The following RAB40C variants were observed in gnomAD, a reference collection of about 807,000 sequenced individuals.
The protein encoded by RAB40C is ras-related protein Rab-40C.
A neutral mutation model predicts 28.1 loss-of-function variants in RAB40C; 8 were observed. The observed-to-expected ratio is 0.28, with a 90% CI of 0.17 to 0.51. RAB40C has a LOEUF of 0.51. Ranked by LOEUF, RAB40C falls within the 20% of genes least tolerant of loss-of-function variation. RAB40C has a pLI of 0.97. For synonymous variants in RAB40C, 201 were observed against 171.7 expected (o/e 1.17, Z -1.34); for missense variants, 288 against 405.9 (o/e 0.71, Z 2.50).
intron 5 of RAB40C, among the ~76,000 whole-genome samples, chr16:626,596 C>G (rs2036840749): frequency 6.6e-6 from 1 of 152,192 alleles, no homozygotes; most frequent in Non-Finnish European, 1.5e-5. Flanking sequence ...CAGCAGGGTT[C>G]ACTGCTGAAC....
At chr16:619,402 G>T (rs1435803059) in intron 3 of RAB40C, among the ~76,000 whole-genome samples, 1 of 152,176 alleles carries the variant, frequency 6.6e-6, no homozygotes, top group Non-Finnish European at 1.5e-5. Flanking sequence ...TGCAGGTATG[G>T]TGGGTGCGCT....
rs761513789 is a variant in RAB40C at position 627,369 on chromosome 16, G to A, written c.593G>A (p.Arg198Gln). The A allele has an allele frequency of 6.2e-7, 1 of 1,613,440 alleles. No individual in the cohort carries two copies. Among genetic ancestry groups the A allele is most frequent in the Non-Finnish European group, 8.5e-7 (1 of 1,179,880 alleles). The change falls in exon 6 of 6, where the codon CGG (arginine) becomes CAG (glutamine). Residue 198 changes from arginine (R) to glutamine (Q), a missense_variant. By Grantham distance (43) the Arg-to-Gln change is conservative (BLOSUM62 1). This residue lies in a region of RAB40C where 153 missense variants were observed against 262.4 expected (regional missense o/e 0.58). Coordinates refer to ENST00000248139, the MANE Select transcript of RAB40C (RefSeq NM_021168.5). The part of the protein sequence containing the change: ...RVFSLQDLCC[R>Q]AIVSCTPVHL... ...TTCAGCCTGCAGGACCTCTGCTGCC[G>A]GGCCATCGTCTCCTGCACCCCCGTG...
chr16:590,801 C>T (rs1596393702), intron 1 of RAB40C, among the ~76,000 whole-genome samples: 1 of 148,506 alleles, frequency 6.7e-6, no homozygotes, highest in African/African-American at 2.5e-5. Flanking sequence ...GGGAAGGTGT[C>T]ATGGGTCTAG....
At chr16:602,902 G>A (rs937060293) in intron 1 of RAB40C, among the ~76,000 whole-genome samples, 2 of 152,168 alleles carry the variant, frequency 1.3e-5, no homozygotes, top group African/African-American at 4.8e-5. Context: ...ATGAGATTGG[G>A]GTTTAAGCCA....
intron 2 of RAB40C, 98 bp from the exon 3 acceptor site, chr16:618,102 T>C: frequency 8.5e-7 from 1 of 1,180,886 alleles, no homozygotes; most frequent in Non-Finnish European, 1.2e-6. Flanking sequence ...GCCGCCCCGC[T>C]CCCCTCAGGA....
Position 590,321 on chromosome 16 carries a change from C to T in RAB40C, c.30C>T (p.Ser10=). The change falls in exon 1 of 6, where the codon AGC becomes AGT. Residue 10 remains serine (S), a synonymous_variant. Coordinates refer to ENST00000248139, the MANE Select transcript of RAB40C (RefSeq NM_021168.5). The part of the protein sequence containing the change: MGSQGSPVK[S]YDYLLKFLLV... ...GCTCGCAGGGCAGTCCGGTGAAGAG[C>T]TACGACTACCTGCTCAAGTTCCTGC... 1.3e-6 allele frequency: 2 copies of T among 1,589,680 alleles called. No homozygotes were observed. The highest frequency in any genetic ancestry group is 1.7e-5 in the Admixed American group (1 of 58,116).
At chr16:622,385 G>A (rs182908880) in intron 3 of RAB40C, among the ~76,000 whole-genome samples, 4 of 152,084 alleles carry the variant, frequency 2.6e-5, no homozygotes, top group Non-Finnish European at 5.9e-5. Flanking sequence ...CCGCCCGCGA[G>A]GCATGAGCGG....
At chr16:627,184 C>T (rs1249085394) in intron 5 of RAB40C, among the ~76,000 whole-genome samples, 158 bp from the exon 6 acceptor site, 1 of 152,182 alleles carries the variant, frequency 6.6e-6, no homozygotes, top group African/African-American at 2.4e-5. Context: ...CTGTGCTGGG[C>T]AGAGAAGTTT....
chr16:626,915 C>T (rs959015905), intron 5 of RAB40C, among the ~76,000 whole-genome samples: 4 of 152,168 alleles, frequency 2.6e-5, no homozygotes, highest in Admixed American at 6.5e-5. Flanking sequence ...TCCAGCCTGG[C>T]GACAGAGCGA....
chr16:590,271 C>G lies in RAB40C; in HGVS notation c.-21C>G. ...GCGGTGCTTCGGCAGGCGGCCGGCGCGGGGCGCAGGCGGCGCGGCCATGGG... is the reference window on the plus strand; with the variant it reads ...GCGGTGCTTCGGCAGGCGGCCGGCGGGGGGCGCAGGCGGCGCGGCCATGGG... On this transcript the variant is annotated 5_prime_UTR_variant, in exon 1 of 6. Transcript: ENST00000248139. 1 of 1,470,476 alleles carries G rather than the reference C, an allele frequency of 6.8e-7. No individual in the cohort carries two copies. The highest frequency in any genetic ancestry group is 9.0e-7 in the Non-Finnish European group (1 of 1,109,904). 91.1% of individuals were successfully genotyped at this position (1,470,476 alleles called of 1,614,324 possible). A position where few individuals can be genotyped will look rare whatever the true frequency, so the allele number is the denominator to read the frequency against.
intron 1 of RAB40C, among the ~76,000 whole-genome samples, chr16:614,159 C>T (rs1169167058): frequency 5.4e-5 from 8 of 149,362 alleles, no homozygotes; most frequent in South Asian, 4.4e-4. Context: ...CTAACTACCG[C>T]ATCCCGATGG....
At chr16:611,332 G>A (rs764469761) in intron 1 of RAB40C, among the ~76,000 whole-genome samples, 2 of 152,186 alleles carry the variant, frequency 1.3e-5, no homozygotes, top group Non-Finnish European at 2.9e-5. Context: ...TGTTGCTGGC[G>A]CCTGCCTGCT....
intron 1 of RAB40C, among the ~76,000 whole-genome samples, chr16:602,556 G>T (rs2036275279): frequency 6.6e-6 from 1 of 152,088 alleles, no homozygotes; most frequent in Admixed American, 6.6e-5. Flanking sequence ...AGCCCCCCGA[G>T]TAGCTGGGAT....
At chr16:609,853 C>T (rs1314796904) in intron 1 of RAB40C, among the ~76,000 whole-genome samples, 4 of 152,052 alleles carry the variant, frequency 2.6e-5, no homozygotes, top group East Asian at 1.9e-4. Context: ...GGATGGAGGG[C>T]GGGAGCTGTG....
rs1383771316 is a variant in RAB40C, at chr16:600,102, C to T, written c.142+9669C>T. ...TCCCTTGTGGCATCATACTCCTTTCCTGTTTGGTTTGGGACTCCCATGGCC... is the reference window on the plus strand; with the variant it reads ...TCCCTTGTGGCATCATACTCCTTTCTTGTTTGGTTTGGGACTCCCATGGCC... On this transcript the variant is annotated intron_variant, in intron 1 of 5. Coordinates refer to ENST00000248139, the MANE Select transcript of RAB40C (RefSeq NM_021168.5). Among the ~76,000 whole-genome samples the T allele has an allele frequency of 3.9e-5, 6 of 152,314 alleles. No homozygotes were observed. The East Asian group carries it at 1.2e-3, about 29-fold the overall frequency.
Position 590,204 on chromosome 16 carries a change from C to G in RAB40C, c.-88C>G, listed in dbSNP as rs2035959299. ...CGCCGTGGGGCGGACGCAACGGGCG[C>G]AGGTGCGGGGCGCGGGCTCTCTCAC... is the stretch of plus-strand genomic sequence containing the variant. On this transcript the variant is annotated 5_prime_UTR_variant, in exon 1 of 6. Transcript: ENST00000248139. 4 of 1,031,678 alleles carry G rather than the reference C, an allele frequency of 3.9e-6. No homozygotes were observed. In the South Asian group the frequency reaches 1.4e-4, roughly 35 times the overall value. 63.9% of individuals were successfully genotyped at this position (1,031,678 alleles called of 1,614,324 possible).
intron 1 of RAB40C, among the ~76,000 whole-genome samples, chr16:600,487 T>G (rs2036226775): frequency 6.6e-6 from 1 of 152,166 alleles, no homozygotes; most frequent in Non-Finnish European, 1.5e-5. Context: ...GCACGGTGGC[T>G]CACGCCTGTG....
intron 1 of RAB40C, among the ~76,000 whole-genome samples, chr16:608,805 G>A (rs1234902088): frequency 6.6e-6 from 1 of 152,192 alleles, no homozygotes; most frequent in Non-Finnish European, 1.5e-5. Flanking sequence ...CCCAGAAGGT[G>A]GAGGTTGCCA....
intron 1 of RAB40C, among the ~76,000 whole-genome samples, chr16:594,148 C>A (rs1251774601): frequency 6.6e-6 from 1 of 152,218 alleles, no homozygotes; most frequent in East Asian, 1.9e-4. Context: ...CACCGTGTCC[C>A]CACAAACCTT....
Sources: gnomAD v4.1 joint callset for allele counts (sites outside exome capture counted in the v4.1 genomes callset) on GRCh38, gnomAD v4.1.1 for gene constraint, gnomAD v4.1.1 regional missense constraint, MANE v1.5 for transcripts, NCBI Gene and HGNC (gene_info 2026-07-23, HGNC 2026-07-21) for gene names.